NCAM2: variants seen among roughly 807,000 people sequenced by gnomAD.
The protein encoded by NCAM2 is neural cell adhesion molecule 2.
In NCAM2, 30 loss-of-function variants were observed where a neutral mutation model predicts 98.1. The observed-to-expected ratio is 0.31, with a 90% CI of 0.23 to 0.41. The LOEUF (loss-of-function observed/expected upper bound fraction) is 0.41. Ranked by LOEUF, NCAM2 falls within the 10% of genes least tolerant of loss-of-function variation. The pLI, the probability that NCAM2 is intolerant of heterozygous loss-of-function variation, is 1.00. For missense variants in NCAM2, 867 were observed against 1,005.8 expected (o/e 0.86, Z 1.87); for synonymous variants, 368 against 342.4 (o/e 1.07, Z -0.83).
At chr21:21,279,658 A>G (rs1298931562) in intron 1 of NCAM2, among the ~76,000 whole-genome samples, 4 of 152,110 alleles carry the variant, frequency 2.6e-5, no homozygotes, top group Non-Finnish European at 5.9e-5. Context: ...CTGGTGTTCT[A>G]TCACAGCCTG....
At chr21:21,510,790 G>A (rs1410339570) in intron 16 of NCAM2, among the ~76,000 whole-genome samples, 3 of 151,732 alleles carry the variant, frequency 2.0e-5, no homozygotes, top group Non-Finnish European at 4.4e-5. Flanking sequence ...TACTCTCATG[G>A]AAGTATAATA....
At chr21:21,129,080 G>A (rs1011602365) in intron 1 of NCAM2, among the ~76,000 whole-genome samples, 13 of 152,006 alleles carry the variant, frequency 8.6e-5, no homozygotes, top group Admixed American at 5.2e-4. Context: ...TAAGTTTTCA[G>A]GTAAACAAAT....
intron 1 of NCAM2, among the ~76,000 whole-genome samples, chr21:21,023,398 C>T (rs2064476211): frequency 6.6e-6 from 1 of 151,752 alleles, no homozygotes; most frequent in Non-Finnish European, 1.5e-5. Context: ...GTGGTGGTCA[C>T]CTGTAATCCC....
chr21:21,137,508 G>A (rs2067082474), intron 1 of NCAM2, among the ~76,000 whole-genome samples: 2 of 152,204 alleles, frequency 1.3e-5, no homozygotes, highest in African/African-American at 2.4e-5. Context: ...GCCGGGTGCT[G>A]TGGCTCACGC....
intron 1 of NCAM2, among the ~76,000 whole-genome samples, chr21:21,086,247 A>G (rs1377602022): frequency 1.3e-5 from 2 of 152,212 alleles, no homozygotes; most frequent in African/African-American, 4.8e-5. Flanking sequence ...GATGCTTTGC[A>G]TGACCATGAA....
intron 1 of NCAM2, among the ~76,000 whole-genome samples, chr21:21,021,201 C>A (rs1289974675): frequency 6.6e-6 from 1 of 150,560 alleles, no homozygotes; most frequent in East Asian, 1.9e-4. Flanking sequence ...TTTGTAAATT[C>A]TTTGTTATGG....
intron 1 of NCAM2, among the ~76,000 whole-genome samples, chr21:21,275,465 A>T (rs1273410033): frequency 1.3e-5 from 2 of 151,726 alleles, no homozygotes; most frequent in African/African-American, 2.4e-5. Context: ...AAAAATAAAT[A>T]AAAAAAGAAA....
At chr21:21,140,945 A>G (rs1291408164) in intron 1 of NCAM2, among the ~76,000 whole-genome samples, 1 of 152,098 alleles carries the variant, frequency 6.6e-6, no homozygotes, top group Non-Finnish European at 1.5e-5. Flanking sequence ...TCTTAAATTA[A>G]CCCTGATTTA....
chr21:21,174,140 G>A (rs1408736062), intron 1 of NCAM2, among the ~76,000 whole-genome samples: 3 of 152,000 alleles, frequency 2.0e-5, no homozygotes, highest in Admixed American at 6.6e-5. Flanking sequence ...AGCTGGTCTC[G>A]AACTACTAAC....
chr21:21,303,328 A>G lies in NCAM2; in HGVS notation c.619+11087A>G, dbSNP rs577054139. ...AGTGACTATAGTGAATGTATCTATT[A>G]TCCATAATAATTTCTAAAAATGTCA... On this transcript the variant is annotated intron_variant, in intron 5 of 17. Transcript: ENST00000400546. Among the ~76,000 whole-genome samples the G allele has an allele frequency of 2.6e-5, 4 of 152,248 alleles. No homozygotes were observed. In the South Asian group the frequency reaches 8.3e-4, roughly 32 times the overall value.
chr21:21,504,296 A>T (rs1261203482), intron 15 of NCAM2, among the ~76,000 whole-genome samples: 2 of 151,964 alleles, frequency 1.3e-5, no homozygotes, highest in Non-Finnish European at 2.9e-5. Context: ...GTAAATTAGA[A>T]CTGATAATAT....
At chr21:21,312,115 A>G (rs1304267530) in intron 5 of NCAM2, among the ~76,000 whole-genome samples, 1 of 152,118 alleles carries the variant, frequency 6.6e-6, no homozygotes, top group Non-Finnish European at 1.5e-5. Flanking sequence ...CTTTACCTAT[A>G]TATCAATGTT....
chr21:21,375,384 C>T (rs2148060925), intron 9 of NCAM2, among the ~76,000 whole-genome samples: 1 of 151,456 alleles, frequency 6.6e-6, no homozygotes, highest in Non-Finnish European at 1.5e-5. Flanking sequence ...CAATAAAAGG[C>T]AACTTGATTC....
At chr21:21,186,592 T>A (rs2068647480) in intron 1 of NCAM2, among the ~76,000 whole-genome samples, 2 of 152,120 alleles carry the variant, frequency 1.3e-5, no homozygotes, top group South Asian at 4.1e-4. Flanking sequence ...CTCAAGAAAT[T>A]AAATCATGTA....
rs73899736 is a variant in NCAM2 at position 21,094,046 on chromosome 21, G to C, written c.55+95428G>C. On this transcript the variant is annotated intron_variant, in intron 1 of 17. Coordinates refer to ENST00000400546, the MANE Select transcript of NCAM2 (RefSeq NM_004540.5). ...ATATTTATTTTGTTTCCAGGGATAT[G>C]TTCATGTCCATGAGAGGAGATCCAG... Among the ~76,000 whole-genome samples, 1,066 of 151,956 alleles carry C rather than the reference G, an allele frequency of 7.0e-3. 16 individuals are homozygous for C. Among genetic ancestry groups the C allele is most frequent in the African/African-American group, 0.024 (994 of 41,490 alleles).
At chr21:21,425,762 T>C (rs555366155) in intron 11 of NCAM2, among the ~76,000 whole-genome samples, 2 of 152,306 alleles carry the variant, frequency 1.3e-5, no homozygotes, top group Admixed American at 6.5e-5. Context: ...GATTTGGCAA[T>C]TGGTAAAAAC....
intron 5 of NCAM2, among the ~76,000 whole-genome samples, chr21:21,307,167 A>G (rs1389733078): frequency 2.6e-5 from 4 of 151,860 alleles, no homozygotes; most frequent in African/African-American, 7.3e-5. Context: ...ACATCTTGCT[A>G]TGTATTGTCT....
intron 16 of NCAM2, among the ~76,000 whole-genome samples, chr21:21,514,208 T>C (rs1988570877): frequency 6.6e-6 from 1 of 151,486 alleles, no homozygotes; most frequent in Non-Finnish European, 1.5e-5. Flanking sequence ...TTTCTTATTT[T>C]TTTAACTGGC....
intron 12 of NCAM2, among the ~76,000 whole-genome samples, chr21:21,452,535 T>C (rs1360883142): frequency 1.6e-5 from 2 of 127,986 alleles, no homozygotes; most frequent in African/African-American, 5.9e-5. Flanking sequence ...TTATATATTA[T>C]AAATAAATAT....
Sources: gnomAD v4.1 joint callset for allele counts (sites outside exome capture counted in the v4.1 genomes callset) on GRCh38, gnomAD v4.1.1 for gene constraint, MANE v1.5 for transcripts, NCBI Gene and HGNC (gene_info 2026-07-23, HGNC 2026-07-21) for gene names.